Variants in TTLL6 observed in about 807,000 individuals in gnomAD.
TTLL6 encodes tubulin polyglutamylase TTLL6.
TTLL6 carries 75 observed loss-of-function variants against 96.4 expected under a neutral mutation model. The observed-to-expected ratio is 0.78, with a 90% CI of 0.65 to 0.94. The LOEUF is 0.94. Among genes scored for constraint, TTLL6 ranks in the 40% least tolerant of loss-of-function variants. The pLI is 0.00. For missense variants in TTLL6, 1,030 were observed against 1,093.0 expected (o/e 0.94, Z 0.81); for synonymous variants, 411 against 419.4 (o/e 0.98, Z 0.24).
chr17:48,796,049 C>T lies in TTLL6; in HGVS notation c.998+12G>A. 1 of 1,548,722 alleles carries T rather than the reference C, an allele frequency of 6.5e-7. No homozygotes were observed. Among genetic ancestry groups the T allele is most frequent in the Non-Finnish European group, 8.7e-7 (1 of 1,144,616 alleles). On this transcript the variant is annotated intron_variant, in intron 8 of 15. Transcript: ENST00000393382. ...GTAGGGAAAGGAAAGAAAAATGAAG[C>T]CTCTTCCTTACCTCTTACTGCCAGA... is the stretch of plus-strand genomic sequence containing the variant.
At position 48,814,414 on chromosome 17, in the gene TTLL6, C is replaced by CACAAGAAAGA. The variant is rs202127569; in HGVS notation, c.103+2546_103+2555dup. Among the ~76,000 whole-genome samples, 544 of 149,274 alleles carry CACAAGAAAGA rather than the reference C, an allele frequency of 3.6e-3. 2 individuals carry two copies. The highest frequency in any genetic ancestry group is 0.019 in the East Asian group (93 of 4,964). On this transcript the variant is annotated intron_variant, in intron 1 of 15. Coordinates refer to ENST00000393382, the MANE Select transcript of TTLL6 (RefSeq NM_001130918.3). ...TAGCATCTTCAGTTTTTCTTAATGACACAAGAAAGAGCATTGTGTCATTAA... is the reference window on the plus strand; with the variant it reads ...TAGCATCTTCAGTTTTTCTTAATGACACAAGAAAGAACAAGAAAGAGCATTGTGTCATTAA...
chr17:48,767,681 T>C (rs1226557409), intron 15 of TTLL6, among the ~76,000 whole-genome samples: 1 of 152,164 alleles, frequency 6.6e-6, no homozygotes, highest in Non-Finnish European at 1.5e-5. Flanking sequence ...GCAGCAAAGA[T>C]CCCTTAATTC....
intron 9 of TTLL6, 118 bp from the exon 10 acceptor site, chr17:48,790,224 G>T: frequency 9.4e-7 from 1 of 1,060,674 alleles, no homozygotes; most frequent in Non-Finnish European, 1.4e-6. Context: ...TCACTACCAA[G>T]ATGAAAGGGA....
In TTLL6 at chr17:48,769,243, GGGA is replaced by G; in HGVS notation, c.2419_2421del (p.Ser807del). ...CTGCGGGAGTGGCACTCCCCAGGCA[GGGA>G]GGGGTTTTCTGGAAAGGCAAAGTCA... is the stretch of plus-strand genomic sequence containing the variant. On this transcript the variant is annotated inframe_deletion, in exon 15 of 16. Coordinates refer to ENST00000393382, the MANE Select transcript of TTLL6 (RefSeq NM_001130918.3). 6.2e-7 allele frequency: 1 copy of G among 1,600,220 alleles called. No individual in the cohort carries two copies. Among genetic ancestry groups the G allele is most frequent in the Non-Finnish European group, 8.5e-7 (1 of 1,170,868 alleles).
intron 6 of TTLL6, among the ~76,000 whole-genome samples, chr17:48,798,306 C>T (rs1483115270): frequency 6.6e-6 from 1 of 152,044 alleles, no homozygotes; most frequent in East Asian, 1.9e-4. Context: ...AGGGTTCACA[C>T]CTGTAATCCC....
At chr17:48,803,841 G>A (rs568773110) in intron 3 of TTLL6, 50 bp downstream of exon 3, 12 of 1,544,142 alleles carry the variant, frequency 7.8e-6, no homozygotes, top group Non-Finnish European at 1.1e-5. Flanking sequence ...CAACCCTTTG[G>A]GAGAATCCAG....
At chr17:48,794,046 G>A (rs2039276186) in intron 8 of TTLL6, among the ~76,000 whole-genome samples, 1 of 152,172 alleles carries the variant, frequency 6.6e-6, no homozygotes, top group Admixed American at 6.5e-5. Context: ...AGGGAGACAG[G>A]CTGAGCCCAG....
intron 14 of TTLL6, 84 bp from the exon 15 acceptor site, chr17:48,769,338 G>T: frequency 1.4e-6 from 2 of 1,472,598 alleles, no homozygotes; most frequent in Non-Finnish European, 1.8e-6. Flanking sequence ...TCCCAGTAGG[G>T]TCCCATGGCC....
intron 13 of TTLL6, among the ~76,000 whole-genome samples, chr17:48,779,080 G>A (rs2038937816): frequency 6.6e-6 from 1 of 151,960 alleles, no homozygotes; most frequent in South Asian, 2.1e-4. Flanking sequence ...CAACCTGGGT[G>A]ACAGAGTGAG....
Position 48,800,889 on chromosome 17 carries a change from C to T in TTLL6, c.611+366G>A, listed in dbSNP as rs116121636. Reference sequence around the variant, plus strand: ...TCAGGCATCCCTCCCTGCTCCTAACCGGGGTGCTAACCACTAGCACACTCT... The same window carrying T: ...TCAGGCATCCCTCCCTGCTCCTAACTGGGGTGCTAACCACTAGCACACTCT... On this transcript the variant is annotated intron_variant, in intron 5 of 15. Coordinates refer to ENST00000393382, the MANE Select transcript of TTLL6 (RefSeq NM_001130918.3). Among the ~76,000 whole-genome samples the T allele has an allele frequency of 6.2e-3, 945 of 152,240 alleles. 17 individuals are homozygous for T. Among genetic ancestry groups the T allele is most frequent in the African/African-American group, 0.022 (903 of 41,532 alleles).
chr17:48,785,369 G>A (rs1344455821), intron 12 of TTLL6, among the ~76,000 whole-genome samples, 168 bp from the exon 13 acceptor site: 1 of 152,178 alleles, frequency 6.6e-6, no homozygotes, highest in Admixed American at 6.5e-5. Context: ...GGGACCCTTA[G>A]AGGACTCATG....
At position 48,785,055 on chromosome 17, in the gene TTLL6, C is replaced by T. The variant is rs148851328; in HGVS notation, c.1908G>A (p.Ala636=). Residue 636 remains alanine (A), a synonymous_variant, in exon 13 of 16, where the codon GCG becomes GCA. Coordinates refer to ENST00000393382, the MANE Select transcript of TTLL6 (RefSeq NM_001130918.3). ...ASSVFPKLTS[A]KPFSSLPDLR... is the part of the protein sequence containing the mutation. Reference sequence around the variant, plus strand: ...GATCGGGTAGAGAACTGAAGGGCTTCGCAGACGTCAGCTTGGGGAAAACAG... The same window carrying T: ...GATCGGGTAGAGAACTGAAGGGCTTTGCAGACGTCAGCTTGGGGAAAACAG... 1.2e-5 allele frequency: 20 copies of T among 1,614,112 alleles called. No homozygotes were observed. The highest frequency in any genetic ancestry group is 1.7e-4 in the Middle Eastern group (1 of 6,060).
intron 7 of TTLL6, 119 bp downstream of exon 7, chr17:48,796,942 A>G (rs553644157): frequency 4.2e-6 from 5 of 1,198,566 alleles, no homozygotes; most frequent in Non-Finnish European, 5.7e-6. Context: ...AACCCGGCAC[A>G]TAGCAAGTGC....
chr17:48,763,811 AAAACAAAC>A (rs760370815), intron 15 of TTLL6, among the ~76,000 whole-genome samples: 1 of 151,898 alleles, frequency 6.6e-6, no homozygotes, highest in Non-Finnish European at 1.5e-5. Flanking sequence ...AAAACAAAAC[AAAACAAAC>A]AAACAAACAA....
At position 48,786,254 on chromosome 17, in the gene TTLL6, C is replaced by T. The variant is rs772889390; in HGVS notation, c.1671G>A (p.Ser557=). The T allele has an allele frequency of 9.3e-6, 15 of 1,614,112 alleles. No individual in the cohort carries two copies. Among genetic ancestry groups the T allele is most frequent in the South Asian group, 6.6e-5 (6 of 91,084 alleles). The change falls in exon 12 of 16, where the codon TCG becomes TCA. Residue 557 remains serine, a synonymous_variant. Coordinates refer to ENST00000393382, the MANE Select transcript of TTLL6 (RefSeq NM_001130918.3). ...MKKKVEMQGE[S]AGEQVRKKGM... Reference sequence around the variant, plus strand: ...CCTTCTTTCTCACTTGCTCGCCTGCCGATTCCCCCTGCATCTCTACCTTCT... The same window carrying T: ...CCTTCTTTCTCACTTGCTCGCCTGCTGATTCCCCCTGCATCTCTACCTTCT...
chr17:48,810,973 T>C (rs1284672955), intron 1 of TTLL6, among the ~76,000 whole-genome samples: 2 of 149,678 alleles, frequency 1.3e-5, no homozygotes, highest in African/African-American at 4.9e-5. Context: ...TAATGCCTCC[T>C]GTAGACATTT....
At chr17:48,808,507 G>C (rs540259762) in intron 1 of TTLL6, among the ~76,000 whole-genome samples, 18 of 152,130 alleles carry the variant, frequency 1.2e-4, no homozygotes, top group Admixed American at 4.6e-4. Flanking sequence ...AACAAGAGCA[G>C]GCTCACCAGA....
intron 7 of TTLL6, 106 bp from the exon 8 acceptor site, chr17:48,796,252 AG>A (rs906066473): frequency 7.9e-6 from 7 of 885,788 alleles, no homozygotes; most frequent in Non-Finnish European, 1.2e-5. Flanking sequence ...ATGGAAAGAA[AG>A]GGAAGTTTTA....
At chr17:48,813,022 A>G (rs2039616894) in intron 1 of TTLL6, among the ~76,000 whole-genome samples, 1 of 152,348 alleles carries the variant, frequency 6.6e-6, no homozygotes, top group Non-Finnish European at 1.5e-5. Flanking sequence ...TCTCATCCTC[A>G]TAATAACCTA....
Sources: gnomAD v4.1 joint callset for allele counts (sites outside exome capture counted in the v4.1 genomes callset) on GRCh38, gnomAD v4.1.1 for gene constraint, MANE v1.5 for transcripts, NCBI Gene and HGNC (gene_info 2026-07-23, HGNC 2026-07-21) for gene names.